Variants in SLC4A7 observed in about 807,000 individuals in gnomAD.
SLC4A7 encodes the protein solute carrier family 4 member 7, also known as sodium bicarbonate cotransporter 3.
SLC4A7 carries 51 observed loss-of-function variants against 137.6 expected under a neutral mutation model. That is an observed-to-expected ratio of 0.37 (90% CI 0.30 to 0.47). SLC4A7 has a LOEUF of 0.47. SLC4A7 is among the 20% of genes least tolerant of loss of function. The probability of loss-of-function intolerance (pLI) is 1.00; values close to 1 mark genes in which losing one functional copy is unlikely to be tolerated. For missense variants in SLC4A7, 1,247 were observed against 1,525.4 expected, an observed-to-expected ratio of 0.82 and a Z score of 3.04; for synonymous variants, 542 against 518.6, an observed-to-expected ratio of 1.05 and a Z score of -0.61.
chr3:27,480,427 TTA>T (rs1243143754), intron 1 of SLC4A7, among the ~76,000 whole-genome samples: 1 of 152,040 alleles, frequency 6.6e-6, no homozygotes, highest in Non-Finnish European at 1.5e-5. Flanking sequence ...CAGGGTCCCA[TTA>T]TGTTGCCCAG....
chr3:27,466,449 CAA>C (rs34880724), intron 1 of SLC4A7, among the ~76,000 whole-genome samples: 20 of 132,198 alleles, frequency 1.5e-4, no homozygotes, highest in East Asian at 7.4e-4. Context: ...GACTCCGTCT[CAA>C]AAAAAAAAAA....
At chr3:27,472,251 A>T (rs1204339724) in intron 1 of SLC4A7, among the ~76,000 whole-genome samples, 1 of 152,204 alleles carries the variant, frequency 6.6e-6, no homozygotes, top group Non-Finnish European at 1.5e-5. Flanking sequence ...TGAATACATG[A>T]GCTTAAGTCA....
At position 27,430,128 on chromosome 3, in the gene SLC4A7, G is replaced by C. The variant is rs138695456; in HGVS notation, c.1150+1170C>G. Among the ~76,000 whole-genome samples the C allele has an allele frequency of 7.5e-3, 1,143 of 152,180 alleles. 9 individuals carry two copies. Among genetic ancestry groups the C allele is most frequent in the Middle Eastern group, 0.027 (8 of 294 alleles). On this transcript the variant is annotated intron_variant, in intron 7 of 25. Coordinates refer to ENST00000454389, the MANE Select transcript of SLC4A7 (RefSeq NM_001321103.2). The stretch of plus-strand genomic sequence containing the variant: ...GAATGCTGAGTCAGGAGGATTGCTT[G>C]ATCCCAGGAGTTCAAGGCTGCAGTG...
chr3:27,446,431 C>G (rs1392897814), intron 3 of SLC4A7, among the ~76,000 whole-genome samples: 1 of 151,982 alleles, frequency 6.6e-6, no homozygotes, highest in South Asian at 2.1e-4. Flanking sequence ...ATAGTTATTC[C>G]TTTGAAAAGT....
At chr3:27,430,605 CAAA>C (rs36019447) in intron 7 of SLC4A7, among the ~76,000 whole-genome samples, 1 of 96,654 alleles carries the variant, frequency 1.0e-5, no homozygotes, top group Admixed American at 1.1e-4. Flanking sequence ...ACCCCGTCTC[CAAA>C]AAAAAAAAAA....
chr3:27,413,559 T>C (rs1455861434), intron 11 of SLC4A7, among the ~76,000 whole-genome samples: 1 of 152,194 alleles, frequency 6.6e-6, no homozygotes, highest in African/African-American at 2.4e-5. Context: ...TTCTTTCATA[T>C]TCAAAAATCT....
chr3:27,388,830 A>G (rs1290642809), intron 22 of SLC4A7, among the ~76,000 whole-genome samples: 1 of 150,746 alleles, frequency 6.6e-6, no homozygotes, highest in Admixed American at 6.6e-5. Flanking sequence ...AATTTCATCA[A>G]TAAGATTACA....
At chr3:27,433,786 G>A in intron 6 of SLC4A7, 130 bp downstream of exon 6, 3 of 711,840 alleles carry the variant, frequency 4.2e-6, no homozygotes, top group Non-Finnish European at 7.1e-6. Flanking sequence ...AAGAAACAAA[G>A]CAGGAAGGAG....
intron 3 of SLC4A7, among the ~76,000 whole-genome samples, chr3:27,445,607 A>T (rs1188733430): frequency 2.0e-5 from 3 of 151,762 alleles, no homozygotes; most frequent in African/African-American, 7.3e-5. Context: ...AACGTACAAC[A>T]TGATGACTAT....
intron 11 of SLC4A7, among the ~76,000 whole-genome samples, chr3:27,413,919 C>A (rs1281560330): frequency 1.4e-5 from 2 of 147,620 alleles, no homozygotes; most frequent in Admixed American, 7.1e-5. Flanking sequence ...ATAATACTAT[C>A]TCTTACTTAC....
At chr3:27,448,141 G>C (rs2057800771) in intron 3 of SLC4A7, among the ~76,000 whole-genome samples, 1 of 150,552 alleles carries the variant, frequency 6.6e-6, no homozygotes, top group Non-Finnish European at 1.5e-5. Context: ...GAACCCTGGA[G>C]GCAGACGTTG....
Position 27,431,634 on chromosome 3 carries a change from T to C in SLC4A7, c.814A>G (p.Thr272Ala), listed in dbSNP as rs2056302811. 6.3e-7 allele frequency: 1 copy of C among 1,599,680 alleles called. No individual in the cohort carries two copies. Among genetic ancestry groups the C allele is most frequent in the Non-Finnish European group, 8.5e-7 (1 of 1,173,002 alleles). ...GAAAGGTTTGAGGCAGACAGACCTG[T>C]TCGCAAAGAGTGGCGGGAGGCTGAA... ...GLSASRHSLR[T>A]GLSASNLSLR... The change falls in exon 7 of 26, where the codon ACA becomes GCA. Residue 272 changes from threonine (T) to alanine (A), a missense_variant. Physicochemically the swap from Thr to Ala is moderately conservative, Grantham distance 58. This residue lies in a region of SLC4A7 where 223 missense variants were observed against 203.6 expected (regional missense o/e 1.10). Transcript: ENST00000454389.
intron 22 of SLC4A7, among the ~76,000 whole-genome samples, chr3:27,389,266 T>C (rs968502163): frequency 6.6e-6 from 1 of 152,176 alleles, no homozygotes; most frequent in South Asian, 2.1e-4. Flanking sequence ...CTGTTTTCTA[T>C]TCAGAAATTA....
At chr3:27,481,287 C>A (rs1310357195) in intron 1 of SLC4A7, among the ~76,000 whole-genome samples, 1 of 152,194 alleles carries the variant, frequency 6.6e-6, no homozygotes, top group Non-Finnish European at 1.5e-5. Flanking sequence ...TCTATCCCAA[C>A]ACCCTGATCA....
chr3:27,393,233 T>TAA (rs200394560), intron 20 of SLC4A7, among the ~76,000 whole-genome samples: 1 of 152,040 alleles, frequency 6.6e-6, no homozygotes, highest in Non-Finnish European at 1.5e-5. Context: ...AAACAAAAGT[T>TAA]AAAAAAAATT....
chr3:27,442,200 G>C (rs1320624777), intron 3 of SLC4A7, among the ~76,000 whole-genome samples: 2 of 152,092 alleles, frequency 1.3e-5, no homozygotes, highest in Non-Finnish European at 2.9e-5. Context: ...TTGTAGTTTT[G>C]AAGAATGGAC....
At chr3:27,473,376 C>T (rs2059332366) in intron 1 of SLC4A7, among the ~76,000 whole-genome samples, 1 of 151,988 alleles carries the variant, frequency 6.6e-6, no homozygotes, top group Non-Finnish European at 1.5e-5. Context: ...AGCTGAATTA[C>T]TTTAAAATTC....
chr3:27,379,610 T>C (rs555917177), intron 24 of SLC4A7, among the ~76,000 whole-genome samples: 192 of 152,316 alleles, frequency 1.3e-3, no homozygotes, highest in Non-Finnish European at 2.3e-3. Context: ...GGGGTTTCAG[T>C]AGTACTTCGG....
intron 2 of SLC4A7, among the ~76,000 whole-genome samples, chr3:27,450,565 T>G (rs1047618041): frequency 6.6e-6 from 1 of 152,122 alleles, no homozygotes; most frequent in East Asian, 1.9e-4. Context: ...GCACTGGGAA[T>G]TACAAAGTTG....
Sources: allele counts gnomAD v4.1 joint callset (sites outside exome capture counted in the v4.1 genomes callset), GRCh38; gene constraint gnomAD v4.1.1; regional missense constraint gnomAD v4.1.1; transcripts MANE v1.5; gene names NCBI Gene and HGNC (gene_info 2026-07-23, HGNC 2026-07-21).